PDE4D: variants seen among roughly 807,000 people sequenced by gnomAD.
The protein encoded by PDE4D is 3',5'-cyclic-AMP phosphodiesterase 4D.
A neutral mutation model predicts 87.4 loss-of-function variants in PDE4D; 24 were observed. The ratio of observed to expected loss-of-function variants is 0.27; its 90% CI spans 0.20 to 0.39. The LOEUF (loss-of-function observed/expected upper bound fraction) is 0.39, where lower values mean the gene tolerates loss of function less well. Ranked by LOEUF, PDE4D falls within the 10% of genes least tolerant of loss-of-function variation. The pLI is 1.00. For synonymous variants in PDE4D, 384 were observed against 383.2 expected (o/e 1.00, Z -0.02); for missense variants, 714 against 1,041.0 (o/e 0.69, Z 4.32).
chr5:60,176,245 C>T (rs1783888824), intron 2 of PDE4D, among the ~76,000 whole-genome samples: 1 of 152,120 alleles, frequency 6.6e-6, no homozygotes, highest in East Asian at 1.9e-4. Flanking sequence ...GTGGTGTCTA[C>T]CCAAGGAAAA....
chr5:59,013,850 G>T (rs1753382998), intron 6 of PDE4D, among the ~76,000 whole-genome samples: 1 of 151,414 alleles, frequency 6.6e-6, no homozygotes, highest in South Asian at 2.1e-4. Context: ...AAAAAAAAGA[G>T]AATTTTAGAC....
At chr5:59,429,980 T>C (rs1795879481) in intron 1 of PDE4D, among the ~76,000 whole-genome samples, 2 of 152,172 alleles carry the variant, frequency 1.3e-5, no homozygotes, top group South Asian at 4.1e-4. Flanking sequence ...TAGCCATCAA[T>C]AAATATATCC....
chr5:59,740,420 G>A (rs1758667527), intron 1 of PDE4D, among the ~76,000 whole-genome samples: 1 of 152,032 alleles, frequency 6.6e-6, no homozygotes, highest in Admixed American at 6.6e-5. Flanking sequence ...TATAAGCATT[G>A]TCTTGACGAC....
At chr5:59,291,595 T>C (rs918950452) in intron 1 of PDE4D, among the ~76,000 whole-genome samples, 2 of 151,852 alleles carry the variant, frequency 1.3e-5, no homozygotes, top group Admixed American at 1.3e-4. Flanking sequence ...GTTTGTAACA[T>C]AAAAAAAGGA....
intron 1 of PDE4D, among the ~76,000 whole-genome samples, chr5:59,431,176 A>G (rs888404386): frequency 3.9e-5 from 6 of 152,144 alleles, no homozygotes; most frequent in Non-Finnish European, 1.5e-5. Context: ...CTATGGAATC[A>G]TTGATAGTGA....
intron 2 of PDE4D, among the ~76,000 whole-genome samples, chr5:60,100,477 C>T (rs1024089040): frequency 1.3e-5 from 2 of 151,780 alleles, no homozygotes; most frequent in Non-Finnish European, 2.9e-5. Flanking sequence ...GAAGGGAAAG[C>T]GGGAAGGAAA....
rs142615866 is a variant in PDE4D, at chr5:59,630,576, A to G, written c.455+262592T>C. Reference sequence around the variant, plus strand: ...GGATAGCCCATGATTTGTTTGCTCAATTAGTGAAAAGAAACACTTCAATTG... The same window carrying G: ...GGATAGCCCATGATTTGTTTGCTCAGTTAGTGAAAAGAAACACTTCAATTG... On this transcript the variant is annotated intron_variant, in intron 1 of 14. Transcript: ENST00000340635. 8.3e-4 allele frequency among the ~76,000 whole-genome samples: 126 copies of G among 152,316 alleles called. 1 individual carries two copies. The highest frequency in any genetic ancestry group is 2.9e-3 in the African/African-American group (120 of 41,564).
At chr5:59,785,110 A>G (rs565621488) in intron 1 of PDE4D, among the ~76,000 whole-genome samples, 1 of 152,310 alleles carries the variant, frequency 6.6e-6, no homozygotes, top group African/African-American at 2.4e-5. Context: ...GGAAAATTTT[A>G]CTCAATACAA....
chr5:60,045,607 T>C (rs945230361), intron 2 of PDE4D, among the ~76,000 whole-genome samples: 10 of 152,242 alleles, frequency 6.6e-5, no homozygotes, highest in Non-Finnish European at 1.2e-4. Flanking sequence ...CAGCACCATT[T>C]ATTAAATAGG....
At chr5:59,413,209 G>C (rs2153621863) in intron 1 of PDE4D, among the ~76,000 whole-genome samples, 1 of 152,020 alleles carries the variant, frequency 6.6e-6, no homozygotes, top group Non-Finnish European at 1.5e-5. Context: ...TGTAATCCCA[G>C]CACTTTGGGA....
intron 1 of PDE4D, among the ~76,000 whole-genome samples, chr5:59,237,782 G>GGTGTGTGTGT (rs61375269): frequency 6.8e-5 from 2 of 29,464 alleles, no homozygotes; most frequent in Non-Finnish European, 7.8e-5. Context: ...CCCTCATATA[G>GGTGTGTGTGT]GTGTGTGTGT....
chr5:59,347,688 C>G (rs777697041), intron 1 of PDE4D, among the ~76,000 whole-genome samples: 13 of 152,120 alleles, frequency 8.5e-5, no homozygotes, highest in Admixed American at 2.0e-4. Context: ...TAAACTGCTC[C>G]TCTTCCCCCT....
intron 1 of PDE4D, among the ~76,000 whole-genome samples, chr5:59,484,745 G>T (rs1804815558): frequency 6.6e-6 from 1 of 152,176 alleles, no homozygotes; most frequent in African/African-American, 2.4e-5. Context: ...CAGACTACAA[G>T]TTAGCAGCCT....
intron 1 of PDE4D, among the ~76,000 whole-genome samples, chr5:59,612,094 G>A (rs1829075963): frequency 2.0e-5 from 3 of 152,126 alleles, no homozygotes; most frequent in African/African-American, 7.2e-5. Flanking sequence ...AGAACTGCAA[G>A]GAAGTTTCAA....
intron 1 of PDE4D, among the ~76,000 whole-genome samples, chr5:60,347,331 G>A (rs1169864497): frequency 6.6e-6 from 1 of 152,138 alleles, no homozygotes; most frequent in South Asian, 2.1e-4. Context: ...GGGTAAGAAA[G>A]AAGATTCTTA....
At chr5:59,845,604 C>A (rs1485214612) in intron 1 of PDE4D, among the ~76,000 whole-genome samples, 1 of 152,026 alleles carries the variant, frequency 6.6e-6, no homozygotes, top group South Asian at 2.1e-4. Context: ...CAACACAAGA[C>A]GTGGCTGGAA....
At chr5:59,575,601 C>T (rs1226255654) in intron 1 of PDE4D, among the ~76,000 whole-genome samples, 1 of 152,048 alleles carries the variant, frequency 6.6e-6, no homozygotes, top group Non-Finnish European at 1.5e-5. Context: ...TATTTATGCT[C>T]AAGATGACAA....
At chr5:60,183,005 T>C (rs1345874113) in intron 2 of PDE4D, among the ~76,000 whole-genome samples, 5 of 151,454 alleles carry the variant, frequency 3.3e-5, no homozygotes, top group African/African-American at 9.7e-5. Context: ...CTTTGGGAGG[T>C]AATTAGTGTT....
At chr5:59,993,778 T>C (rs922800622) in intron 2 of PDE4D, among the ~76,000 whole-genome samples, 1 of 152,018 alleles carries the variant, frequency 6.6e-6, no homozygotes, top group Admixed American at 6.6e-5. Context: ...TTGCTATTGA[T>C]GGGACTTAGA....
Sources: allele counts gnomAD v4.1 joint callset (sites outside exome capture counted in the v4.1 genomes callset), GRCh38; gene constraint gnomAD v4.1.1; transcripts MANE v1.5; gene names NCBI Gene and HGNC (gene_info 2026-07-23, HGNC 2026-07-21).